The following TMEM132D variants were observed in gnomAD, a reference collection of about 807,000 sequenced individuals.
TMEM132D encodes transmembrane protein 132D.
TMEM132D carries 21 observed loss-of-function variants against 62.3 expected under a neutral mutation model. That is an observed-to-expected ratio of 0.34 (90% CI 0.24 to 0.49). The LOEUF (loss-of-function observed/expected upper bound fraction) is 0.49, where lower values mean the gene tolerates loss of function less well. Ranked by LOEUF, TMEM132D falls within the 20% of genes least tolerant of loss-of-function variation. The probability of loss-of-function intolerance (pLI) is 0.99; values close to 1 mark genes in which losing one functional copy is unlikely to be tolerated. For missense variants in TMEM132D, 1,346 were observed against 1,402.8 expected, an observed-to-expected ratio of 0.96 and a Z score of 0.65; for synonymous variants, 621 against 575.6, an observed-to-expected ratio of 1.08 and a Z score of -1.13.
At chr12:129,677,117 G>T (rs1305196901) in intron 2 of TMEM132D, among the ~76,000 whole-genome samples, 1 of 152,094 alleles carries the variant, frequency 6.6e-6, no homozygotes, top group African/African-American at 2.4e-5. Flanking sequence ...CAGTTAATAC[G>T]GTTGGGCTGT....
intron 5 of TMEM132D, among the ~76,000 whole-genome samples, chr12:129,201,895 A>AT (rs571515918): frequency 5.8e-4 from 88 of 152,022 alleles, no homozygotes; most frequent in Non-Finnish European, 1.2e-3. Context: ...TCATGTGACA[A>AT]TTTTTTTTAA....
intron 4 of TMEM132D, among the ~76,000 whole-genome samples, chr12:129,269,935 G>A (rs1241143816): frequency 1.3e-5 from 2 of 152,180 alleles, no homozygotes; most frequent in African/African-American, 4.8e-5. Context: ...TGAAAGGAAA[G>A]GCAGTGACGT....
At position 129,261,141 on chromosome 12, in the gene TMEM132D, G is replaced by T. The variant is rs550880309; in HGVS notation, c.1300-51478C>A. Among the ~76,000 whole-genome samples, 6 of 152,206 alleles carry T rather than the reference G, an allele frequency of 3.9e-5. No homozygotes were observed. The South Asian group carries it at 6.2e-4, about 16-fold the overall frequency. ...TACATTCCCACCAGCAGTGTAAAAG[G>T]GTTCTAAGTGAGATTTTTTTAAAAG... On this transcript the variant is annotated intron_variant, in intron 4 of 8. Coordinates refer to ENST00000422113, the MANE Select transcript of TMEM132D (RefSeq NM_133448.3).
intron 5 of TMEM132D, among the ~76,000 whole-genome samples, chr12:129,134,471 C>T (rs934430426): frequency 1.3e-5 from 2 of 152,106 alleles, no homozygotes; most frequent in East Asian, 3.9e-4. Flanking sequence ...ATCCTCAGCT[C>T]AAGAGAAGTT....
intron 1 of TMEM132D, among the ~76,000 whole-genome samples, chr12:129,874,700 C>CTTTTTTT (rs71085583): frequency 4.2e-5 from 5 of 117,892 alleles, no homozygotes; most frequent in Non-Finnish European, 6.7e-5. Flanking sequence ...TCACATTTTT[C>CTTTTTTT]TTTTTTTTTT....
At chr12:129,501,757 C>T (rs189244962) in intron 3 of TMEM132D, among the ~76,000 whole-genome samples, 32 of 152,160 alleles carry the variant, frequency 2.1e-4, no homozygotes, top group Middle Eastern at 3.4e-3. Context: ...CCGCTCACCT[C>T]GGCCTCCTAA....
At chr12:129,441,666 T>A (rs2135721404) in intron 3 of TMEM132D, among the ~76,000 whole-genome samples, 1 of 152,272 alleles carries the variant, frequency 6.6e-6, no homozygotes, top group Non-Finnish European at 1.5e-5. Context: ...TAAGTTGTTC[T>A]ACCAAAAAGA....
At chr12:129,405,283 T>C (rs900763647) in intron 3 of TMEM132D, among the ~76,000 whole-genome samples, 1 of 151,800 alleles carries the variant, frequency 6.6e-6, no homozygotes. Flanking sequence ...GACAGAAAGC[T>C]TTCTGGTGTC....
chr12:129,310,228 G>A (rs996220501), intron 4 of TMEM132D, among the ~76,000 whole-genome samples: 3 of 152,202 alleles, frequency 2.0e-5, no homozygotes, highest in African/African-American at 7.2e-5. Flanking sequence ...TGGGTGGGAG[G>A]TGGCAGGAAC....
chr12:129,371,365 T>A lies in TMEM132D; in HGVS notation c.1116-33548A>T, dbSNP rs1870594480. 6.6e-6 allele frequency among the ~76,000 whole-genome samples: 1 copy of A among 151,624 alleles called. No individual in the cohort carries two copies. Among genetic ancestry groups the A allele is most frequent in the South Asian group, 2.1e-4 (1 of 4,804 alleles). On this transcript the variant is annotated intron_variant, in intron 3 of 8. Transcript: ENST00000422113. This position sits in a 1 kb window ranked among gnomAD's most constrained non-coding sequence, Gnocchi z 4.3. Reference sequence around the variant, plus strand: ...ATTATAATGATGGTGACAATAATGATGTGATGATGGTGATGATGAATGATG... The same window carrying A: ...ATTATAATGATGGTGACAATAATGAAGTGATGATGGTGATGATGAATGATG...
chr12:129,400,988 G>A (rs996136198), intron 3 of TMEM132D, among the ~76,000 whole-genome samples: 1 of 152,164 alleles, frequency 6.6e-6, no homozygotes, highest in African/African-American at 2.4e-5. Context: ...TGTGGCCCTG[G>A]AGTGAGGGGC....
At chr12:129,315,990 CTT>C (rs1011856626) in intron 4 of TMEM132D, among the ~76,000 whole-genome samples, 1 of 152,062 alleles carries the variant, frequency 6.6e-6, no homozygotes, top group South Asian at 2.1e-4. Context: ...TGTAATATCT[CTT>C]GTTTCATTTC....
chr12:129,077,927 C>G (rs1290084795), intron 8 of TMEM132D, among the ~76,000 whole-genome samples: 1 of 152,124 alleles, frequency 6.6e-6, no homozygotes, highest in Non-Finnish European at 1.5e-5. Context: ...ACACACAACA[C>G]ACATATACAT....
chr12:129,607,572 C>T (rs1028700294), intron 2 of TMEM132D, among the ~76,000 whole-genome samples: 81 of 152,132 alleles, frequency 5.3e-4, no homozygotes, highest in African/African-American at 1.9e-3. Context: ...GACACTCTTA[C>T]AGGCAGGAAA....
intron 2 of TMEM132D, among the ~76,000 whole-genome samples, chr12:129,696,455 C>T (rs1881210332): frequency 6.6e-6 from 1 of 152,204 alleles, no homozygotes; most frequent in Non-Finnish European, 1.5e-5. Flanking sequence ...AAGAACAGCC[C>T]CTTCTCTGAG....
At chr12:129,487,148 GCA>G (rs1321371772) in intron 3 of TMEM132D, among the ~76,000 whole-genome samples, 1 of 152,050 alleles carries the variant, frequency 6.6e-6, no homozygotes, top group Non-Finnish European at 1.5e-5. Context: ...GAGAAGACTA[GCA>G]ACATTTTACA....
At chr12:129,740,599 C>T (rs1869571410) in intron 1 of TMEM132D, among the ~76,000 whole-genome samples, 1 of 152,142 alleles carries the variant, frequency 6.6e-6, no homozygotes, top group Admixed American at 6.5e-5. Flanking sequence ...CTGATTGAAA[C>T]CTAATCATTG....
intron 1 of TMEM132D, among the ~76,000 whole-genome samples, chr12:129,814,470 G>C (rs1454289220): frequency 1.3e-5 from 2 of 151,824 alleles, no homozygotes; most frequent in African/African-American, 4.8e-5. Flanking sequence ...ATTTACCTGG[G>C]CTTGGTGGTG....
intron 2 of TMEM132D, among the ~76,000 whole-genome samples, chr12:129,600,085 C>A (rs916528319): frequency 6.6e-6 from 1 of 152,364 alleles, no homozygotes; most frequent in South Asian, 2.1e-4. Context: ...CACAGCAGAA[C>A]GTCCTTCAAA....
Sources: allele counts gnomAD v4.1 joint callset (sites outside exome capture counted in the v4.1 genomes callset), GRCh38; gene constraint gnomAD v4.1.1; non-coding constraint Gnocchi (gnomAD v3.1); transcripts MANE v1.5; gene names NCBI Gene and HGNC (gene_info 2026-07-23, HGNC 2026-07-21).